ATXN1: variants seen among roughly 807,000 people sequenced by gnomAD.
ATXN1 encodes the protein ataxin 1.
In ATXN1, 8 loss-of-function variants were observed where a neutral mutation model predicts 56.4. The observed-to-expected ratio is 0.14, with a 90% CI of 0.08 to 0.26. ATXN1 has a LOEUF of 0.26. Ranked by LOEUF, ATXN1 falls within the 10% of genes least tolerant of loss-of-function variation. The pLI is 1.00. For synonymous variants in ATXN1, 514 were observed against 494.6 expected (o/e 1.04, Z -0.52); for missense variants, 987 against 1,106.5 (o/e 0.89, Z 1.53).
chr6:16,705,281 A>G (rs1759382501), intron 2 of ATXN1, among the ~76,000 whole-genome samples: 2 of 152,230 alleles, frequency 1.3e-5, no homozygotes, highest in South Asian at 4.1e-4. Flanking sequence ...TTAGGGAAAG[A>G]GATATAAGGA....
rs138370098 is a variant in ATXN1 at position 16,705,673 on chromosome 6, A to C, written c.-615+47560T>G. Among the ~76,000 whole-genome samples, 407 of 152,238 alleles carry C rather than the reference A, an allele frequency of 2.7e-3. 1 individual carries two copies. The highest frequency in any genetic ancestry group is 9.4e-3 in the African/African-American group (390 of 41,532). On this transcript the variant is annotated intron_variant, in intron 2 of 7. Coordinates refer to ENST00000436367, the MANE Select transcript of ATXN1 (RefSeq NM_001128164.2). ...ATTCTGTCACTTCCATTGCCACTCCAAACTCCATGAGAACAAGGGGCCTGT... is the reference window on the plus strand; with the variant it reads ...ATTCTGTCACTTCCATTGCCACTCCCAACTCCATGAGAACAAGGGGCCTGT...
chr6:16,482,133 G>C (rs1561719053), intron 6 of ATXN1, among the ~76,000 whole-genome samples: 1 of 151,938 alleles, frequency 6.6e-6, no homozygotes, highest in Non-Finnish European at 1.5e-5. Context: ...ACTGCTATCA[G>C]ATTCAAGCAT....
intron 5 of ATXN1, among the ~76,000 whole-genome samples, chr6:16,501,614 CT>C (rs1760887363): frequency 6.6e-6 from 1 of 152,102 alleles, no homozygotes; most frequent in Non-Finnish European, 1.5e-5. Context: ...GAGAATGAGG[CT>C]TCCAGCTTCA....
rs1045326570 is a variant in ATXN1, at chr6:16,435,020, G to A, written c.-161+50952C>T. On this transcript the variant is annotated intron_variant, in intron 6 of 7. Coordinates refer to ENST00000436367, the MANE Select transcript of ATXN1 (RefSeq NM_001128164.2). ...GCATTCGAAAGACACTGAGGAGATT[G>A]CATCAGTAGGACTTGGTGACACATT... Among the ~76,000 whole-genome samples, 2 of 152,156 alleles carry A rather than the reference G, an allele frequency of 1.3e-5. 1 individual carries two copies. Among genetic ancestry groups the A allele is most frequent in the South Asian group, 4.1e-4 (2 of 4,824 alleles).
chr6:16,373,760 A>AT (rs1266517045), intron 6 of ATXN1, among the ~76,000 whole-genome samples: 12 of 152,166 alleles, frequency 7.9e-5, no homozygotes, highest in South Asian at 4.1e-4. Context: ...TTCCACCATG[A>AT]TTGTGAAGCC....
At chr6:16,657,381 C>T (rs763026895) in intron 3 of ATXN1, among the ~76,000 whole-genome samples, 2 of 152,152 alleles carry the variant, frequency 1.3e-5, no homozygotes, top group African/African-American at 2.4e-5. Context: ...GATCACAAGA[C>T]GCAAAAAACT....
intron 6 of ATXN1, among the ~76,000 whole-genome samples, chr6:16,415,354 C>A (rs1338527885): frequency 6.6e-6 from 1 of 152,052 alleles, no homozygotes; most frequent in Non-Finnish European, 1.5e-5. Flanking sequence ...CTCAGCCTCC[C>A]GAGTAGCTGG....
intron 2 of ATXN1, among the ~76,000 whole-genome samples, chr6:16,729,545 T>C (rs1313228572): frequency 6.6e-6 from 1 of 152,208 alleles, no homozygotes; most frequent in African/African-American, 2.4e-5. Flanking sequence ...CATACCTATG[T>C]CTTTTACAGC....
chr6:16,685,156 T>TA (rs5874569), intron 2 of ATXN1, among the ~76,000 whole-genome samples: 1 of 152,066 alleles, frequency 6.6e-6, no homozygotes, highest in African/African-American at 2.4e-5. Flanking sequence ...GGTCAATCTG[T>TA]TAAGTGTATT....
chr6:16,702,123 G>A (rs1423310795), intron 2 of ATXN1, among the ~76,000 whole-genome samples: 1 of 152,036 alleles, frequency 6.6e-6, no homozygotes, highest in East Asian at 1.9e-4. Flanking sequence ...CATGGTACTG[G>A]TACCAAAACA....
chr6:16,319,943 AG>A (rs1368572845), intron 7 of ATXN1, among the ~76,000 whole-genome samples: 1 of 152,058 alleles, frequency 6.6e-6, no homozygotes, highest in Non-Finnish European at 1.5e-5. Flanking sequence ...TTCCAGCACC[AG>A]AACAGACAGG....
chr6:16,759,534 T>TG (rs1760995815), intron 1 of ATXN1, among the ~76,000 whole-genome samples: 1 of 138,722 alleles, frequency 7.2e-6, no homozygotes, highest in Non-Finnish European at 1.6e-5. Context: ...CCGACTGTTT[T>TG]TTTTTTTTTT....
intron 6 of ATXN1, among the ~76,000 whole-genome samples, chr6:16,401,280 T>G (rs543639665): frequency 2.4e-4 from 37 of 152,292 alleles, no homozygotes; most frequent in African/African-American, 8.7e-4. Flanking sequence ...CATTAATTGT[T>G]CTTCATAAAA....
At chr6:16,365,941 T>C (rs562198118) in intron 6 of ATXN1, among the ~76,000 whole-genome samples, 1 of 152,304 alleles carries the variant, frequency 6.6e-6, no homozygotes, top group South Asian at 2.1e-4. Context: ...TATAGCCGTC[T>C]ATCTATCTAA....
chr6:16,578,623 G>A (rs944467619), intron 4 of ATXN1, among the ~76,000 whole-genome samples: 5 of 152,110 alleles, frequency 3.3e-5, no homozygotes, highest in African/African-American at 1.2e-4. Flanking sequence ...ACTTTCTGAT[G>A]TTATAACATG....
chr6:16,695,071 A>G (rs1759134513), intron 2 of ATXN1, among the ~76,000 whole-genome samples: 3 of 151,936 alleles, frequency 2.0e-5, no homozygotes, highest in Admixed American at 2.0e-4. Flanking sequence ...CCTACCACCC[A>G]CTGAAGTGGT....
intron 5 of ATXN1, among the ~76,000 whole-genome samples, chr6:16,488,749 C>A (rs1162345760): frequency 6.6e-6 from 1 of 152,152 alleles, no homozygotes; most frequent in Non-Finnish European, 1.5e-5. Flanking sequence ...GAGTCTCTTT[C>A]CATTTAAAAT....
At chr6:16,332,506 C>T (rs1224263589) in intron 6 of ATXN1, among the ~76,000 whole-genome samples, 1 of 152,092 alleles carries the variant, frequency 6.6e-6, no homozygotes, top group African/African-American at 2.4e-5. Context: ...AATTGCCCTC[C>T]CAGGGGACCC....
At chr6:16,354,393 G>A (rs1305942233) in intron 6 of ATXN1, among the ~76,000 whole-genome samples, 1 of 152,014 alleles carries the variant, frequency 6.6e-6, no homozygotes, top group Non-Finnish European at 1.5e-5. Context: ...TAGTAGCTGG[G>A]ACTACAGGTG....
Sources: gnomAD v4.1 joint callset for allele counts (sites outside exome capture counted in the v4.1 genomes callset) on GRCh38, gnomAD v4.1.1 for gene constraint, MANE v1.5 for transcripts, NCBI Gene and HGNC (gene_info 2026-07-23, HGNC 2026-07-21) for gene names.